The following TXNL4A variants were observed in gnomAD, a reference collection of about 807,000 sequenced individuals.
TXNL4A encodes thioredoxin-like protein 4A.
A neutral mutation model predicts 14.6 loss-of-function variants in TXNL4A; 17 were observed. The observed-to-expected ratio is 1.16, with a 90% confidence interval of 0.80 to 1.74. The LOEUF is 1.74. Among genes scored for constraint, TXNL4A ranks in the 40% most tolerant of loss-of-function variants. The pLI, the probability that TXNL4A is intolerant of heterozygous loss-of-function variation, is 0.00. For synonymous variants in TXNL4A, 83 were observed against 70.6 expected (o/e 1.18, Z -0.88); for missense variants, 74 against 195.2 (o/e 0.38, Z 3.70).
At chr18:80,002,647 AGTATGAAAATG>A (rs532020100) in intron 1 of TXNL4A, among the ~76,000 whole-genome samples, 40 of 152,294 alleles carry the variant, frequency 2.6e-4, no homozygotes, top group African/African-American at 9.4e-4. Flanking sequence ...GCCCATATTT[AGTATGAAAATG>A]GATGGCACCC....
At position 79,973,469 on chromosome 18, in the gene TXNL4A, T is replaced by C; in HGVS notation, c.*216A>G. 2.0e-6 allele frequency: 1 copy of C among 493,924 alleles called. No homozygotes were observed. Among genetic ancestry groups the C allele is most frequent in the Admixed American group, 3.8e-5 (1 of 26,200 alleles). The allele number at this position is 493,924 out of a possible 1,614,324, so 30.6% of individuals were successfully genotyped here. A position where few individuals can be genotyped will look rare whatever the true frequency, so the allele number is the denominator to read the frequency against. ...AATTAACTTTGACTAGGAAAATCAG[T>C]AATCTATTCATTAAGTTTCCTGAGA... On this transcript the variant is annotated 3_prime_UTR_variant, in exon 3 of 3. Coordinates refer to ENST00000269601, the MANE Select transcript of TXNL4A (RefSeq NM_006701.5).
upstream of TXNL4A, among the ~76,000 whole-genome samples, chr18:79,991,141 T>A (rs1416123219): frequency 6.7e-6 from 1 of 149,010 alleles, no homozygotes; most frequent in African/African-American, 2.5e-5. Flanking sequence ...TTTGTTGAGA[T>A]CTAATCCATA....
upstream of TXNL4A, among the ~76,000 whole-genome samples, chr18:79,993,472 C>A (rs997224726): frequency 1.3e-5 from 2 of 152,168 alleles, no homozygotes; most frequent in East Asian, 3.8e-4. The surrounding 1 kb of genome is among the most constrained non-coding windows in gnomAD (Gnocchi z 4.4). Context: ...CTTGCAAATT[C>A]TTTTTAAATG....
chr18:80,011,702 T>C lies in TXNL4A; in HGVS notation c.-61+22149A>G, dbSNP rs577015652. ...GGGAGATAACACTTCCTTGAAGCAA[T>C]GGAGTATAATCAAACATCTTGGCTC... On this transcript the variant is annotated intron_variant, in intron 1 of 2. Coordinates refer to the TXNL4A transcript ENST00000585474. The surrounding 1 kb of genome is among the most constrained non-coding windows in gnomAD (Gnocchi z 4.1). Among the ~76,000 whole-genome samples the C allele has an allele frequency of 2.0e-5, 3 of 152,230 alleles. No homozygotes were observed. The East Asian group carries it at 5.8e-4, about 29-fold the overall frequency.
intron 1 of TXNL4A, among the ~76,000 whole-genome samples, chr18:79,981,244 G>C (rs912721295): frequency 1.3e-5 from 2 of 152,124 alleles, no homozygotes; most frequent in African/African-American, 4.8e-5. Context: ...AATATCATTT[G>C]GACAGGGTTG....
At chr18:79,998,615 G>A (rs923200443) in intron 1 of TXNL4A, among the ~76,000 whole-genome samples, 5 of 149,402 alleles carry the variant, frequency 3.3e-5, no homozygotes, top group Non-Finnish European at 5.9e-5. Context: ...CTCCTTGTGT[G>A]AGAGCAGTAG....
intron 1 of TXNL4A, among the ~76,000 whole-genome samples, chr18:80,005,031 C>T (rs1445501124): frequency 2.6e-5 from 4 of 152,216 alleles, no homozygotes; most frequent in African/African-American, 9.6e-5. Flanking sequence ...TGAATGAGCC[C>T]GCTTATGTGA....
At chr18:79,974,772 C>T (rs1208573279) in intron 2 of TXNL4A, among the ~76,000 whole-genome samples, 1 of 152,176 alleles carries the variant, frequency 6.6e-6, no homozygotes, top group Non-Finnish European at 1.5e-5. Flanking sequence ...AGCCACTGTG[C>T]CGGCCTGATT....
Position 79,973,657 on chromosome 18 carries a change from A to G in TXNL4A, c.*28T>C. On this transcript the variant is annotated 3_prime_UTR_variant, in exon 3 of 3. Coordinates refer to ENST00000269601, the MANE Select transcript of TXNL4A (RefSeq NM_006701.5). ...GTTTCCATACAAAAAGGGCTCCACG[A>G]CATTTATCCGCGCAGACTGAGGGCG... 6.3e-7 allele frequency: 1 copy of G among 1,584,668 alleles called. No individual in the cohort carries two copies.
intron 1 of TXNL4A, among the ~76,000 whole-genome samples, chr18:79,983,887 C>T (rs545871568): frequency 1.1e-4 from 16 of 152,202 alleles, no homozygotes; most frequent in Non-Finnish European, 2.1e-4. Context: ...AAGTTCGTAA[C>T]GCTCATGCAG....
At chr18:80,001,194 C>T (rs1348303010) in intron 1 of TXNL4A, among the ~76,000 whole-genome samples, 1 of 152,182 alleles carries the variant, frequency 6.6e-6, no homozygotes, top group African/African-American at 2.4e-5. Flanking sequence ...AAGCTCTAAG[C>T]CTTGGCAGCT....
At chr18:79,985,318 C>A (rs554603555) in intron 1 of TXNL4A, among the ~76,000 whole-genome samples, 1 of 152,116 alleles carries the variant, frequency 6.6e-6, no homozygotes, top group African/African-American at 2.4e-5. Flanking sequence ...TGCAGTGGCG[C>A]GATCACGGCT....
At position 79,971,649 on chromosome 18, in the gene TXNL4A, G is replaced by A. The variant is rs957189011; in HGVS notation, c.*2036C>T. 6.6e-6 allele frequency: 1 copy of A among 152,188 alleles called. No individual in the cohort carries two copies. The highest frequency in any genetic ancestry group is 2.4e-5 in the African/African-American group (1 of 41,442). The allele number at this position is 152,188 out of a possible 1,614,324, so 9.4% of individuals were successfully genotyped here. A position where few individuals can be genotyped will look rare whatever the true frequency, so the allele number is the denominator to read the frequency against. ...CCCGGCCCATGTTTAACTTTTTGAC[G>A]ACCTGCCTGCCTGTGTTACCACTTT... On this transcript the variant is annotated 3_prime_UTR_variant, in exon 3 of 3. Coordinates refer to ENST00000269601, the MANE Select transcript of TXNL4A (RefSeq NM_006701.5).
At chr18:79,990,852 C>T (rs2051622508), upstream of TXNL4A, among the ~76,000 whole-genome samples, 1 of 152,152 alleles carries the variant, frequency 6.6e-6, no homozygotes, top group Non-Finnish European at 1.5e-5. Context: ...CGCCTGTAAT[C>T]CCAGCACTTT....
chr18:79,991,737 G>C (rs1381726005), upstream of TXNL4A, among the ~76,000 whole-genome samples: 1 of 152,196 alleles, frequency 6.6e-6, no homozygotes, highest in Non-Finnish European at 1.5e-5. Flanking sequence ...GAGGGTTTCA[G>C]TTTTTCCACA....
At chr18:79,981,893 T>C (rs2051470095) in intron 1 of TXNL4A, among the ~76,000 whole-genome samples, 1 of 152,234 alleles carries the variant, frequency 6.6e-6, no homozygotes, top group African/African-American at 2.4e-5. Context: ...ATCCACCATG[T>C]ATGAGGCACT....
At chr18:79,979,410 T>C (rs964852409) in intron 1 of TXNL4A, 1 of 152,236 alleles carries the variant, frequency 6.6e-6, no homozygotes, top group African/African-American at 2.4e-5. Context: ...AGGTGAGGCC[T>C]GGTGGGAGGC....
chr18:80,012,686 G>A (rs181711453), intron 1 of TXNL4A, among the ~76,000 whole-genome samples: 270 of 152,284 alleles, frequency 1.8e-3, no homozygotes, highest in African/African-American at 5.8e-3. Flanking sequence ...TACATGCTGC[G>A]TAGGAAGAAT....
At chr18:79,994,334 G>A (rs1322122388) in intron 1 of TXNL4A, among the ~76,000 whole-genome samples, 2 of 152,242 alleles carry the variant, frequency 1.3e-5, no homozygotes, top group African/African-American at 4.8e-5. Flanking sequence ...TACCTGGAGA[G>A]TAGCCAGCGG....
Sources: gnomAD v4.1 joint callset for allele counts (sites outside exome capture counted in the v4.1 genomes callset) on GRCh38, gnomAD v4.1.1 for gene constraint, Gnocchi (gnomAD v3.1) non-coding constraint, MANE v1.5 for transcripts, NCBI Gene and HGNC (gene_info 2026-07-23, HGNC 2026-07-21) for gene names.